PRR16: variants seen among roughly 807,000 people sequenced by gnomAD.
PRR16 encodes the protein proline rich 16.
PRR16 carries 6 observed loss-of-function variants against 18.2 expected under a neutral mutation model. That is an observed-to-expected ratio of 0.33 (90% CI 0.18 to 0.65). PRR16 has a LOEUF of 0.65. Ranked by LOEUF, PRR16 falls within the 30% of genes least tolerant of loss-of-function variation. PRR16 has a pLI of 0.74. For missense variants in PRR16, 412 were observed against 376.6 expected (o/e 1.09, Z -0.78); for synonymous variants, 151 against 147.8 (o/e 1.02, Z -0.16).
the PRR16 span, among the ~76,000 whole-genome samples, chr5:120,703,800 G>A: frequency 6.6e-6 from 1 of 152,142 alleles, no homozygotes; most frequent in African/African-American, 2.4e-5. Context: ...AGTTTTAAAG[G>A]TTAGTCCTCA....
chr5:120,701,242 C>G, the PRR16 span, among the ~76,000 whole-genome samples: 1 of 151,826 alleles, frequency 6.6e-6, no homozygotes. Flanking sequence ...GTTTGAGGGC[C>G]AGAATTTAAT....
the PRR16 span, among the ~76,000 whole-genome samples, chr5:120,726,549 C>T: frequency 2.6e-5 from 4 of 151,978 alleles, no homozygotes; most frequent in Non-Finnish European, 4.4e-5. Flanking sequence ...AGGCAGCTGT[C>T]GTCATCATAA....
intron 1 of PRR16, among the ~76,000 whole-genome samples, chr5:120,580,451 ATTTTTTTT>A (rs70985228): frequency 8.4e-6 from 1 of 119,650 alleles, no homozygotes. Flanking sequence ...GGGATTTTGA[ATTTTTTTT>A]TTTTTTTTTT....
At position 120,583,345 on chromosome 5, in the gene PRR16, G is replaced by GTGTA. The variant is rs796168911; in HGVS notation, c.160-102606_160-102605insATGT. Reference sequence around the variant, plus strand: ...TGTGTGTGTGTGTGTGTGTGTGTGTGTGTGCAAGTAATCCATGTCACCATG... The same window carrying GTGTA: ...TGTGTGTGTGTGTGTGTGTGTGTGTGTGTATGTGCAAGTAATCCATGTCACCATG... On this transcript the variant is annotated intron_variant, in intron 1 of 1. Coordinates refer to ENST00000407149, the MANE Select transcript of PRR16 (RefSeq NM_001300783.2). Among the ~76,000 whole-genome samples the GTGTA allele has an allele frequency of 2.5e-4, 38 of 151,276 alleles. 1 individual carries two copies. Among genetic ancestry groups the GTGTA allele is most frequent in the Admixed American group, 1.1e-3 (17 of 15,204 alleles).
At chr5:120,750,325 T>C in the PRR16 span, among the ~76,000 whole-genome samples, 2 of 152,148 alleles carry the variant, frequency 1.3e-5, no homozygotes, top group East Asian at 3.9e-4. Flanking sequence ...CCAATACTTT[T>C]ACCCCGTCAA....
chr5:120,689,370 A>G (rs6595255), downstream of PRR16, among the ~76,000 whole-genome samples: 150,626 of 152,290 alleles, frequency 0.99, 74,507 homozygotes, highest in East Asian at 1. Flanking sequence ...TAATTAAAGT[A>G]TCATAAGTGG....
the PRR16 span, among the ~76,000 whole-genome samples, chr5:120,768,784 A>G: frequency 6.6e-6 from 1 of 151,818 alleles, no homozygotes; most frequent in Admixed American, 6.6e-5. Flanking sequence ...GAGTAAGAGC[A>G]AGAAAATAAT....
chr5:120,660,113 A>G (rs1468312476), intron 1 of PRR16, among the ~76,000 whole-genome samples: 2 of 152,072 alleles, frequency 1.3e-5, no homozygotes, highest in African/African-American at 4.8e-5. Flanking sequence ...TTATGAAACT[A>G]GAATAAGGAC....
the PRR16 span, among the ~76,000 whole-genome samples, chr5:120,726,504 C>T: frequency 6.6e-6 from 1 of 151,862 alleles, no homozygotes; most frequent in Non-Finnish European, 1.5e-5. Context: ...TCTCTTCTGG[C>T]TCCTGACAAA....
intron 1 of PRR16, among the ~76,000 whole-genome samples, chr5:120,670,632 A>G (rs1756568972): frequency 6.6e-6 from 1 of 152,140 alleles, no homozygotes; most frequent in Non-Finnish European, 1.5e-5. Flanking sequence ...TACTCCATTA[A>G]GAATGCTAGA....
At chr5:120,626,972 T>G (rs1754887626) in intron 1 of PRR16, among the ~76,000 whole-genome samples, 1 of 152,106 alleles carries the variant, frequency 6.6e-6, no homozygotes, top group Admixed American at 6.6e-5. Context: ...TAATTGGAAG[T>G]TTTATCATGT....
intron 1 of PRR16, among the ~76,000 whole-genome samples, chr5:120,671,924 A>T (rs1231082756): frequency 6.6e-6 from 1 of 152,220 alleles, no homozygotes; most frequent in African/African-American, 2.4e-5. Flanking sequence ...GTAAGCAATA[A>T]GAGTCTAATA....
At chr5:120,476,525 AC>A (rs934779873) in intron 1 of PRR16, among the ~76,000 whole-genome samples, 64 of 152,222 alleles carry the variant, frequency 4.2e-4, no homozygotes, top group African/African-American at 1.4e-3. Context: ...TGAAAGTCTC[AC>A]TGTTATTATC....
the PRR16 span, among the ~76,000 whole-genome samples, chr5:120,785,444 CTT>C: frequency 6.6e-6 from 1 of 151,662 alleles, no homozygotes; most frequent in East Asian, 1.9e-4. Context: ...CTTTCATTTT[CTT>C]TTGTTGGTAT....
At position 120,535,721 on chromosome 5, in the gene PRR16, G is replaced by C. The variant is rs545693050; in HGVS notation, c.159+71076G>C. On this transcript the variant is annotated intron_variant, in intron 1 of 1. Coordinates refer to ENST00000407149, the MANE Select transcript of PRR16 (RefSeq NM_001300783.2). ...AGGCTGAAGCATGGGAATTGCTTGA[G>C]TCTGGGAGGCGGAGGTTGCAGTGAG... Among the ~76,000 whole-genome samples the C allele has an allele frequency of 2.8e-4, 42 of 152,202 alleles. No individual in the cohort carries two copies. In the East Asian group the frequency reaches 7.4e-3, roughly 27 times the overall value.
At chr5:120,647,387 G>C (rs1467294507) in intron 1 of PRR16, among the ~76,000 whole-genome samples, 3 of 148,662 alleles carry the variant, frequency 2.0e-5, no homozygotes, top group Admixed American at 2.0e-4. Context: ...AATTTTTTAA[G>C]AGATTTAAAA....
the PRR16 span, among the ~76,000 whole-genome samples, chr5:120,760,137 ATAAT>A: frequency 6.6e-6 from 1 of 152,176 alleles, no homozygotes; most frequent in Non-Finnish European, 1.5e-5. Flanking sequence ...ATTGAATTGA[ATAAT>A]TAAGCAAATG....
intron 1 of PRR16, among the ~76,000 whole-genome samples, chr5:120,473,769 G>A (rs1749349102): frequency 6.6e-6 from 1 of 152,132 alleles, no homozygotes; most frequent in Non-Finnish European, 1.5e-5. Context: ...GGAGGGTAGG[G>A]AGAAGATAGC....
At chr5:120,535,519 C>T (rs549349685) in intron 1 of PRR16, among the ~76,000 whole-genome samples, 30 of 152,134 alleles carry the variant, frequency 2.0e-4, no homozygotes, top group Non-Finnish European at 3.5e-4. Context: ...ATTAACACTT[C>T]CTGGGTGCAG....
Sources: allele counts gnomAD v4.1 joint callset (sites outside exome capture counted in the v4.1 genomes callset), GRCh38; gene constraint gnomAD v4.1.1; transcripts MANE v1.5; gene names NCBI Gene and HGNC (gene_info 2026-07-23, HGNC 2026-07-21).